Variants in CRPPA observed in about 807,000 individuals in gnomAD.
CRPPA encodes the protein CDP-L-ribitol pyrophosphorylase A, also known as D-ribitol-5-phosphate cytidylyltransferase.
Under a neutral mutation model 52.0 loss-of-function variants are expected in CRPPA, and 43 were observed. The ratio of observed to expected loss-of-function variants is 0.83; its 90% confidence interval spans 0.65 to 1.07. The LOEUF (loss-of-function observed/expected upper bound fraction) is 1.07, where lower values mean the gene tolerates loss of function less well. Ranked by LOEUF, CRPPA falls within the 50% of genes least tolerant of loss-of-function variation. The pLI is 0.00. For missense variants in CRPPA, 629 were observed against 551.7 expected (o/e 1.14, Z -1.40); for synonymous variants, 250 against 203.5 (o/e 1.23, Z -1.94).
At chr7:16,139,343 T>C (rs1028172576) in intron 9 of CRPPA, among the ~76,000 whole-genome samples, 5 of 152,194 alleles carry the variant, frequency 3.3e-5, no homozygotes, top group Admixed American at 2.6e-4. Flanking sequence ...TACCTGTTCA[T>C]GCCAGAATTT....
chr7:16,173,260 C>G lies in CRPPA; in HGVS notation c.1251+42806G>C, dbSNP rs187243563. On this transcript the variant is annotated intron_variant, in intron 9 of 9. Coordinates refer to ENST00000407010, the MANE Select transcript of CRPPA (RefSeq NM_001101426.4). ...TCATTAATCAAGTGCCATATCTACC[C>G]CTTCTAGGGAATATGCTAATTGGTA... Among the ~76,000 whole-genome samples the G allele has an allele frequency of 2.9e-3, 435 of 152,268 alleles. 2 individuals are homozygous for G. Among genetic ancestry groups the G allele is most frequent in the African/African-American group, 9.9e-3 (410 of 41,566 alleles).
intron 9 of CRPPA, among the ~76,000 whole-genome samples, chr7:16,108,550 C>T (rs1478684035): frequency 2.0e-5 from 3 of 151,748 alleles, no homozygotes; most frequent in Admixed American, 6.6e-5. Context: ...AAAAGATCAT[C>T]CAGACAGAAA....
At chr7:16,319,966 A>G (rs1009936116) in intron 3 of CRPPA, among the ~76,000 whole-genome samples, 2 of 152,136 alleles carry the variant, frequency 1.3e-5, no homozygotes, top group African/African-American at 4.8e-5. Context: ...CTGGACTTTG[A>G]GAATTCTACA....
chr7:16,257,508 G>A (rs1783675191), intron 8 of CRPPA, among the ~76,000 whole-genome samples: 1 of 152,024 alleles, frequency 6.6e-6, no homozygotes, highest in Admixed American at 6.6e-5. Flanking sequence ...AAATAAAGAG[G>A]CCACTGAATT....
chr7:16,316,864 G>A (rs1785155407), intron 3 of CRPPA, among the ~76,000 whole-genome samples: 1 of 151,794 alleles, frequency 6.6e-6, no homozygotes, highest in South Asian at 2.1e-4. Context: ...ATCTCTAATA[G>A]AAAAATATTA....
chr7:16,374,161 C>T (rs1160714193), intron 3 of CRPPA, among the ~76,000 whole-genome samples: 4 of 152,206 alleles, frequency 2.6e-5, no homozygotes, highest in African/African-American at 9.6e-5. Context: ...GAAAACCCAC[C>T]TTCAATGTGG....
At chr7:16,181,081 A>G (rs1391205502) in intron 9 of CRPPA, among the ~76,000 whole-genome samples, 1 of 151,990 alleles carries the variant, frequency 6.6e-6, no homozygotes, top group East Asian at 1.9e-4. Flanking sequence ...TAAATTGATA[A>G]TATTTTTTCC....
intron 8 of CRPPA, among the ~76,000 whole-genome samples, chr7:16,218,241 T>C (rs979164197): frequency 4.6e-5 from 6 of 131,364 alleles, no homozygotes; most frequent in Non-Finnish European, 8.1e-5. Context: ...AAGCAAATGC[T>C]GAGAGATTTT....
At chr7:16,211,690 C>T (rs1487282195) in intron 9 of CRPPA, among the ~76,000 whole-genome samples, 2 of 152,064 alleles carry the variant, frequency 1.3e-5, no homozygotes, top group Non-Finnish European at 2.9e-5. Flanking sequence ...TAAATGCGGA[C>T]CTTTGAGATG....
rs115744030 is a variant in CRPPA, at chr7:16,421,098, C to T, written c.225G>A (p.Pro75=). ...PKQFCPILER[P]LISYTLQALE... ...GGGCCTGTAGGGTGTAGCTGATGAG[C>T]GGCCTCTCCAGGATGGGGCAGAATT... The change falls in exon 1 of 10, where the codon CCG becomes CCA. Residue 75 remains proline, a synonymous_variant. Transcript: ENST00000407010. 2 of 1,298,412 alleles carry T rather than the reference C, an allele frequency of 1.5e-6. No homozygotes were observed. Among genetic ancestry groups the T allele is most frequent in the South Asian group, 2.6e-5 (1 of 38,640 alleles). 80.4% of individuals were successfully genotyped at this position (1,298,412 alleles called of 1,614,324 possible). A position where few individuals can be genotyped will look rare whatever the true frequency, so the allele number is the denominator to read the frequency against.
At position 16,138,894 on chromosome 7, in the gene CRPPA, C is replaced by T. The variant is rs536059158; in HGVS notation, c.1252-47095G>A. ...TCGGCTCACTGCAACATCTGCCTCC[C>T]AGGTTCAAGCAATTCTCCTGCCTTG... On this transcript the variant is annotated intron_variant, in intron 9 of 9. Transcript: ENST00000407010. 2.0e-5 allele frequency among the ~76,000 whole-genome samples: 3 copies of T among 152,216 alleles called. No individual in the cohort carries two copies. The South Asian group carries it at 6.2e-4, about 32-fold the overall frequency.
chr7:16,382,179 C>T (rs1012439850), intron 2 of CRPPA, among the ~76,000 whole-genome samples: 53 of 152,148 alleles, frequency 3.5e-4, no homozygotes, highest in Admixed American at 3.3e-4. Context: ...TCTTTTAGGG[C>T]GGGCCTGGTG....
chr7:16,171,680 C>G (rs1011892532), intron 9 of CRPPA, among the ~76,000 whole-genome samples: 1 of 152,192 alleles, frequency 6.6e-6, no homozygotes, highest in African/African-American at 2.4e-5. Context: ...GTAGTCCCAG[C>G]TACTCAGGAG....
chr7:16,228,915 C>A (rs142393319), intron 8 of CRPPA, among the ~76,000 whole-genome samples: 2 of 152,040 alleles, frequency 1.3e-5, no homozygotes, highest in African/African-American at 4.8e-5. Context: ...ACAATTATTG[C>A]ATTGCAGTTT....
At chr7:16,397,596 C>T (rs944416804) in intron 2 of CRPPA, among the ~76,000 whole-genome samples, 6 of 152,058 alleles carry the variant, frequency 3.9e-5, no homozygotes, top group South Asian at 2.1e-4. Context: ...TGACAGATTA[C>T]TGACGTGTGA....
intron 3 of CRPPA, among the ~76,000 whole-genome samples, chr7:16,314,336 G>A (rs1282211714): frequency 2.0e-5 from 3 of 151,946 alleles, no homozygotes; most frequent in Non-Finnish European, 4.4e-5. Flanking sequence ...GTGCCACTTG[G>A]TGAATAGGGC....
At chr7:16,210,411 G>C (rs545216582) in intron 9 of CRPPA, 1 of 152,196 alleles carries the variant, frequency 6.6e-6, no homozygotes, top group East Asian at 1.9e-4. Flanking sequence ...GTACAGCAAA[G>C]GGGATGGGAT....
intron 9 of CRPPA, among the ~76,000 whole-genome samples, chr7:16,202,641 T>C (rs1781885655): frequency 6.6e-6 from 1 of 152,164 alleles, no homozygotes; most frequent in Non-Finnish European, 1.5e-5. Context: ...AGAAAAAGCA[T>C]GAAGAATGAC....
At chr7:16,398,639 C>A (rs1391044518) in intron 2 of CRPPA, among the ~76,000 whole-genome samples, 2 of 152,086 alleles carry the variant, frequency 1.3e-5, no homozygotes, top group African/African-American at 4.8e-5. Context: ...TGACACGTGA[C>A]AAACATCACT....
Sources: allele counts gnomAD v4.1 joint callset (sites outside exome capture counted in the v4.1 genomes callset), GRCh38; gene constraint gnomAD v4.1.1; transcripts MANE v1.5; gene names NCBI Gene and HGNC (gene_info 2026-07-23, HGNC 2026-07-21).